ATL2: variants seen among roughly 807,000 people sequenced by gnomAD.
ATL2 encodes the protein atlastin GTPase 2, also known as atlastin-2.
A neutral mutation model predicts 73.9 loss-of-function variants in ATL2; 31 were observed. That is an observed-to-expected ratio of 0.42 (90% CI 0.32 to 0.57). ATL2 has a LOEUF of 0.57. Ranked by LOEUF, ATL2 falls within the 20% of genes least tolerant of loss-of-function variation. ATL2 has a pLI of 0.14. For synonymous variants in ATL2, 291 were observed against 237.5 expected (o/e 1.23, Z -2.07); for missense variants, 738 against 702.6 (o/e 1.05, Z -0.57).
intron 1 of ATL2, among the ~76,000 whole-genome samples, chr2:38,349,704 A>C (rs901787398): frequency 4.7e-5 from 7 of 149,844 alleles, no homozygotes; most frequent in Admixed American, 6.6e-5. Flanking sequence ...GAAAAAAAAA[A>C]CCCCACTGGG....
upstream of ATL2, chr2:38,377,408 C>A (rs1672057627): frequency 1.6e-6 from 1 of 627,600 alleles, no homozygotes; most frequent in African/African-American, 2.0e-5. Flanking sequence ...TCCTCGCCCT[C>A]CGCCTGTATC....
chr2:38,314,749 G>A, intron 5 of ATL2, 85 bp from the exon 6 acceptor site: 3 of 809,792 alleles, frequency 3.7e-6, no homozygotes, highest in African/African-American at 1.8e-5. Flanking sequence ...AAAGCTCCAG[G>A]TACCAGAACC....
At chr2:38,345,378 T>C (rs1445165533) in intron 1 of ATL2, among the ~76,000 whole-genome samples, 1 of 152,228 alleles carries the variant, frequency 6.6e-6, no homozygotes, top group Non-Finnish European at 1.5e-5. Context: ...GGATTTTTAA[T>C]CTTATTACCA....
intron 11 of ATL2, 28 bp downstream of exon 11, chr2:38,299,228 G>C (rs756572087): frequency 1.3e-6 from 2 of 1,482,488 alleles, no homozygotes; most frequent in East Asian, 2.6e-5. Context: ...TCTCACTCCA[G>C]CATCAAATTT....
intron 1 of ATL2, among the ~76,000 whole-genome samples, chr2:38,371,810 T>A (rs1671705539): frequency 6.6e-6 from 1 of 151,596 alleles, no homozygotes; most frequent in African/African-American, 2.4e-5. Flanking sequence ...GGCACAAGAA[T>A]CGCTTGAACC....
intron 9 of ATL2, among the ~76,000 whole-genome samples, chr2:38,300,789 T>C (rs1667144571): frequency 6.6e-6 from 1 of 151,276 alleles, no homozygotes; most frequent in South Asian, 2.1e-4. Context: ...TGGCTGAAAC[T>C]ACAAGGTGTG....
chr2:38,299,082 G>A (rs945386950), intron 11 of ATL2, among the ~76,000 whole-genome samples, 174 bp downstream of exon 11: 7 of 152,032 alleles, frequency 4.6e-5, no homozygotes. Context: ...CTCAAATAAT[G>A]TGAATTATTT....
chr2:38,297,475 A>G (rs1267867897), intron 12 of ATL2, among the ~76,000 whole-genome samples: 1 of 152,212 alleles, frequency 6.6e-6, no homozygotes, highest in African/African-American at 2.4e-5. Context: ...AGGCAGATAC[A>G]CAAAATGGCT....
At chr2:38,343,130 A>G (rs992560648) in intron 2 of ATL2, 138 bp downstream of exon 2, 3 of 815,688 alleles carry the variant, frequency 3.7e-6, no homozygotes, top group African/African-American at 3.8e-5. Flanking sequence ...CCTGGGTAAC[A>G]GAGTGAGACC....
chr2:38,372,116 GTTAA>G (rs901721684), intron 1 of ATL2, among the ~76,000 whole-genome samples: 8 of 126,592 alleles, frequency 6.3e-5, no homozygotes, highest in African/African-American at 2.6e-4. Flanking sequence ...ATGGTTTCAT[GTTAA>G]TTGTTTTTTT....
At chr2:38,352,160 A>AAAAACC (rs1670392924) in intron 1 of ATL2, among the ~76,000 whole-genome samples, 2 of 144,936 alleles carry the variant, frequency 1.4e-5, no homozygotes, top group Non-Finnish European at 1.5e-5. Flanking sequence ...AAAAAAAAAA[A>AAAAACC]CCACCATAAA....
chr2:38,377,640 A>C (rs1042661382), upstream of ATL2, among the ~76,000 whole-genome samples: 5 of 151,990 alleles, frequency 3.3e-5, no homozygotes, highest in East Asian at 9.7e-4. Context: ...CCAGAGAACT[A>C]AGTCCCTCCC....
chr2:38,333,894 C>G (rs932667703), intron 2 of ATL2, among the ~76,000 whole-genome samples: 65 of 152,226 alleles, frequency 4.3e-4, no homozygotes, highest in African/African-American at 1.5e-3. Context: ...TTTTCTGACT[C>G]AAATCTAATC....
intron 4 of ATL2, among the ~76,000 whole-genome samples, chr2:38,316,546 A>T (rs572818834): frequency 2.0e-5 from 3 of 150,222 alleles, no homozygotes; most frequent in East Asian, 1.9e-4. Flanking sequence ...GATATCTTAC[A>T]TAAGGAAAGA....
chr2:38,325,516 T>G (rs889629772), intron 2 of ATL2, among the ~76,000 whole-genome samples: 1 of 151,862 alleles, frequency 6.6e-6, no homozygotes, highest in African/African-American at 2.4e-5. Context: ...CACAAAATTC[T>G]CAAAGTAATT....
In ATL2 at chr2:38,305,538, C is replaced by T. The variant is rs145208655; in HGVS notation, c.1071+3841G>A. 4.5e-4 allele frequency among the ~76,000 whole-genome samples: 68 copies of T among 151,916 alleles called. 1 individual carries two copies. Among genetic ancestry groups the T allele is most frequent in the African/African-American group, 1.5e-3 (63 of 41,452 alleles). Reference sequence around the variant, plus strand: ...CACTCCAGCCTGGGCAAAACAGCGACACTTGGTCTCAAAAAAAAAATCAAA... The same window carrying T: ...CACTCCAGCCTGGGCAAAACAGCGATACTTGGTCTCAAAAAAAAAATCAAA... On this transcript the variant is annotated intron_variant, in intron 9 of 12. Transcript: ENST00000378954.
At chr2:38,355,780 A>G (rs1213426288) in intron 1 of ATL2, among the ~76,000 whole-genome samples, 1 of 150,192 alleles carries the variant, frequency 6.7e-6, no homozygotes, top group African/African-American at 2.5e-5. Context: ...GCTCACTGCA[A>G]CCCCCGTCTT....
At chr2:38,318,492 ATGATTACGTGAAC>A in intron 4 of ATL2, 30 bp downstream of exon 4, 1 of 1,427,744 alleles carries the variant, frequency 7.0e-7, no homozygotes, top group Non-Finnish European at 9.5e-7. Flanking sequence ...AAGGGGCCAA[ATGATTACGTGAAC>A]TGATCGCACC....
chr2:38,354,050 G>A lies in ATL2; in HGVS notation c.119-10538C>T, dbSNP rs554751707. ...TCTATGAAAATACAAAAAATTAGCCGGCGTGGTGGCACGCACCTGTAATCC... is the reference window on the plus strand; with the variant it reads ...TCTATGAAAATACAAAAAATTAGCCAGCGTGGTGGCACGCACCTGTAATCC... On this transcript the variant is annotated intron_variant, in intron 1 of 12. Coordinates refer to ENST00000378954, the MANE Select transcript of ATL2 (RefSeq NM_001135673.4). 89 of 296,012 alleles carry A rather than the reference G, an allele frequency of 3.0e-4. 1 individual carries two copies. The highest frequency in any genetic ancestry group is 4.5e-4 in the African/African-American group (19 of 42,408). The allele number at this position is 296,012 out of a possible 1,614,324, so 18.3% of individuals were successfully genotyped here. A position where few individuals can be genotyped will look rare whatever the true frequency, so the allele number is the denominator to read the frequency against.
Sources: allele counts gnomAD v4.1 joint callset (sites outside exome capture counted in the v4.1 genomes callset), GRCh38; gene constraint gnomAD v4.1.1; transcripts MANE v1.5; gene names NCBI Gene and HGNC (gene_info 2026-07-23, HGNC 2026-07-21).